GNAI2: variants seen among roughly 807,000 people sequenced by gnomAD.
GNAI2 encodes guanine nucleotide-binding protein G(i) subunit alpha-2.
Under a neutral mutation model 36.8 loss-of-function variants are expected in GNAI2, and 4 were observed. The ratio of observed to expected loss-of-function variants is 0.11; its 90% CI spans 0.05 to 0.25. GNAI2 has a LOEUF of 0.25. Ranked by LOEUF, GNAI2 falls within the 10% of genes least tolerant of loss-of-function variation. The pLI, the probability that GNAI2 is intolerant of heterozygous loss-of-function variation, is 1.00. For synonymous variants in GNAI2, 194 were observed against 194.1 expected (o/e 1.00, Z 0.01); for missense variants, 230 against 481.3 (o/e 0.48, Z 4.89).
At chr3:50,251,803 G>T (rs1553702509) in intron 1 of GNAI2, 2 of 1,309,490 alleles carry the variant, frequency 1.5e-6, no homozygotes, top group Non-Finnish European at 2.0e-6. Flanking sequence ...CAAGTCTCCA[G>T]CCAAGACCCC....
upstream of GNAI2, among the ~76,000 whole-genome samples, chr3:50,232,893 G>A (rs1300358932): frequency 6.6e-6 from 1 of 151,390 alleles, no homozygotes; most frequent in Non-Finnish European, 1.5e-5. Flanking sequence ...CTGGTGGGGG[G>A]ATCATGAAGT....
chr3:50,257,963 G>A (rs1480898557), intron 8 of GNAI2: 1 of 379,888 alleles, frequency 2.6e-6, no homozygotes, highest in Admixed American at 4.2e-5. Flanking sequence ...GCCTTGCCCT[G>A]GGACAGAACC....
At chr3:50,235,525 G>A (rs1700143480), upstream of GNAI2, among the ~76,000 whole-genome samples, 1 of 152,076 alleles carries the variant, frequency 6.6e-6, no homozygotes, top group African/African-American at 2.4e-5. Context: ...TCACCATGTT[G>A]GCCAGGCTGG....
At chr3:50,257,192 G>A (rs975761711) in intron 7 of GNAI2, 102 bp downstream of exon 7, 4 of 1,000,204 alleles carry the variant, frequency 4.0e-6, no homozygotes, top group East Asian at 2.4e-5. Flanking sequence ...GGACAGAAGT[G>A]TAACCTTGGA....
In GNAI2 at chr3:50,257,636, C is replaced by T. The variant is rs587718685; in HGVS notation, c.1014C>T (p.Asp338=). 34 of 1,607,174 alleles carry T rather than the reference C, an allele frequency of 2.1e-5. No homozygotes were observed. The highest frequency in any genetic ancestry group is 1.2e-4 in the South Asian group (11 of 90,358). Residue 338 remains aspartate, a synonymous_variant, in exon 8 of 9, where the codon GAC becomes GAT. Coordinates refer to ENST00000313601, the MANE Select transcript of GNAI2 (RefSeq NM_002070.4). ...CCAAGAACGTGCAGTTCGTGTTTGA[C>T]GCCGTCACCGATGTCATCATCAAGA... The part of the protein sequence containing the change: ...TDTKNVQFVF[D]AVTDVIIKNN...
chr3:50,227,083 C>T, upstream of GNAI2: 1 of 1,255,590 alleles, frequency 8.0e-7, no homozygotes. The surrounding 1 kb of genome is among the most constrained non-coding windows in gnomAD (Gnocchi z 5.9). Context: ...ACCGTCTAAT[C>T]TCTGCTGTGA....
intron 7 of GNAI2, 79 bp from the exon 8 acceptor site, chr3:50,257,421 G>A (rs1231536189): frequency 4.3e-5 from 41 of 964,572 alleles, no homozygotes; most frequent in African/African-American, 1.3e-4. Flanking sequence ...CCGTCCACAC[G>A]CACAGACCCT....
chr3:50,227,142 A>G (rs769726896), upstream of GNAI2: 14 of 1,434,890 alleles, frequency 9.8e-6, no homozygotes, highest in South Asian at 1.8e-4. The surrounding 1 kb of genome is among the most constrained non-coding windows in gnomAD (Gnocchi z 5.9). Context: ...GGGTGTGAAG[A>G]CGCTAGGCTG....
intron 1 of GNAI2, chr3:50,246,802 G>T (rs1700434737): frequency 2.4e-6 from 2 of 831,372 alleles, no homozygotes; most frequent in Non-Finnish European, 3.5e-6. Context: ...CAGCAGTGAG[G>T]CTCCTGGGCA....
At chr3:50,256,401 C>A in intron 5 of GNAI2, 81 bp downstream of exon 5, 1 of 1,327,056 alleles carries the variant, frequency 7.5e-7, no homozygotes, top group Non-Finnish European at 1.1e-6. Context: ...GTCCAGGATC[C>A]CCCAGCCCCA....
chr3:50,251,977 C>A, intron 1 of GNAI2, 123 bp from the exon 2 acceptor site: 1 of 1,010,970 alleles, frequency 9.9e-7, no homozygotes, highest in Non-Finnish European at 1.5e-6. Context: ...CTGCCTCCAT[C>A]TCACGGTGCA....
intron 8 of GNAI2, chr3:50,257,972 C>G (rs1553703546): frequency 2.8e-6 from 1 of 361,502 alleles, no homozygotes; most frequent in Non-Finnish European, 5.0e-6. Flanking sequence ...TGGGACAGAA[C>G]CAGAGGCCAT....
chr3:50,248,080 C>T (rs1211041587), intron 1 of GNAI2, among the ~76,000 whole-genome samples: 1 of 152,174 alleles, frequency 6.6e-6, no homozygotes, highest in African/African-American at 2.4e-5. Context: ...ACTAAAAATA[C>T]AAAAATTAGC....
upstream of GNAI2, chr3:50,235,280 G>A (rs73082903): frequency 0.046 from 6,999 of 152,148 alleles, 207 homozygotes; most frequent in South Asian, 0.08. Flanking sequence ...CCAGCTAAAG[G>A]AGACAGCCTA....
At chr3:50,254,044 G>A (rs587736402) in intron 4 of GNAI2, among the ~76,000 whole-genome samples, 1 of 152,074 alleles carries the variant, frequency 6.6e-6, no homozygotes, top group Non-Finnish European at 1.5e-5. Flanking sequence ...TGACAGGTGT[G>A]TGTGTAGGTC....
At chr3:50,250,863 G>A (rs1046986184) in intron 1 of GNAI2, among the ~76,000 whole-genome samples, 1 of 150,794 alleles carries the variant, frequency 6.6e-6, no homozygotes, top group Non-Finnish European at 1.5e-5. Context: ...AGGCTGGAGC[G>A]CAATGGCACA....
rs1700288783 is a variant in GNAI2, at chr3:50,241,050, G to T, written c.118+4597G>T. Among the ~76,000 whole-genome samples, 1 of 152,164 alleles carries T rather than the reference G, an allele frequency of 6.6e-6. No homozygotes were observed. The highest frequency in any genetic ancestry group is 6.5e-5 in the Admixed American group (1 of 15,286). On this transcript the variant is annotated intron_variant, in intron 1 of 8. Transcript: ENST00000313601. This position sits in a 1 kb window ranked among gnomAD's most constrained non-coding sequence, Gnocchi z 5.0. ...GGAGCCCTAGGGAACCCCCTCCCCT[G>T]CCCTCAGGCAGCTGTTCACAGCAAG...
rs587638495 is a variant in GNAI2 at position 50,242,802 on chromosome 3, C to T, written c.118+6349C>T. 3.7e-4 allele frequency among the ~76,000 whole-genome samples: 57 copies of T among 152,326 alleles called. 1 individual carries two copies. Among genetic ancestry groups the T allele is most frequent in the Admixed American group, 6.5e-4 (10 of 15,298 alleles). ...GGCCTAAAGGTGGGGTCATCTCAGC[C>T]TTGTTGGGGAGAAGATATCCTTATG... On this transcript the variant is annotated intron_variant, in intron 1 of 8. Coordinates refer to ENST00000313601, the MANE Select transcript of GNAI2 (RefSeq NM_002070.4). The surrounding 1 kb of genome is among the most constrained non-coding windows in gnomAD (Gnocchi z 4.8).
At chr3:50,256,393 C>A in intron 5 of GNAI2, 73 bp downstream of exon 5, 1 of 1,359,546 alleles carries the variant, frequency 7.4e-7, no homozygotes, top group Non-Finnish European at 1.1e-6. Context: ...AGGGGCTGGT[C>A]CAGGATCCCC....
Sources: gnomAD v4.1 joint callset for allele counts (sites outside exome capture counted in the v4.1 genomes callset) on GRCh38, gnomAD v4.1.1 for gene constraint, Gnocchi (gnomAD v3.1) non-coding constraint, MANE v1.5 for transcripts, NCBI Gene and HGNC (gene_info 2026-07-23, HGNC 2026-07-21) for gene names.